Variants in NXPE4 observed in about 807,000 individuals in gnomAD.
NXPE4 encodes the protein neurexophilin and PC-esterase domain family member 4, also known as NXPE family member 4.
Under a neutral mutation model 33.3 loss-of-function variants are expected in NXPE4, and 42 were observed. The observed-to-expected ratio is 1.26, with a 90% CI of 0.98 to 1.63. The LOEUF is 1.63. Among genes scored for constraint, NXPE4 ranks in the 40% most tolerant of loss-of-function variants. The pLI, the probability that NXPE4 is intolerant of heterozygous loss-of-function variation, is 0.00. For synonymous variants in NXPE4, 253 were observed against 234.9 expected (o/e 1.08, Z -0.71); for missense variants, 709 against 647.6 (o/e 1.09, Z -1.03).
chr11:114,664,910 T>C, the NXPE4 span, among the ~76,000 whole-genome samples: 15,372 of 152,154 alleles, frequency 0.1, 993 homozygotes, highest in African/African-American at 0.18. Flanking sequence ...TTGGCTAATG[T>C]AAGTGTTCAG....
intron 5 of NXPE4, among the ~76,000 whole-genome samples, chr11:114,572,539 A>C (rs1948914214): frequency 6.6e-6 from 1 of 152,216 alleles, no homozygotes; most frequent in South Asian, 2.1e-4. Context: ...AATTTCTGGA[A>C]ATCAAGGATA....
the NXPE4 span, among the ~76,000 whole-genome samples, chr11:114,636,650 C>G: frequency 6.6e-6 from 1 of 151,996 alleles, no homozygotes; most frequent in Admixed American, 6.6e-5. Flanking sequence ...CCCAGAGATT[C>G]TGGTACGTTG....
chr11:114,573,187 C>A (rs1032204207), intron 5 of NXPE4, among the ~76,000 whole-genome samples: 4 of 152,088 alleles, frequency 2.6e-5, no homozygotes, highest in Non-Finnish European at 1.5e-5. Flanking sequence ...GCAAGCACTA[C>A]AATAACTACT....
chr11:114,602,928 A>G, the NXPE4 span, among the ~76,000 whole-genome samples: 1 of 149,420 alleles, frequency 6.7e-6, no homozygotes, highest in African/African-American at 2.4e-5. Context: ...ATAATCTAAT[A>G]TATAATTACA....
the NXPE4 span, among the ~76,000 whole-genome samples, chr11:114,639,815 T>C: frequency 8.4e-6 from 1 of 118,930 alleles, no homozygotes; most frequent in Non-Finnish European, 1.6e-5. Flanking sequence ...TAAAATAATA[T>C]AAAATATAAT....
At chr11:114,677,264 A>G in the NXPE4 span, among the ~76,000 whole-genome samples, 44 of 152,186 alleles carry the variant, frequency 2.9e-4, no homozygotes, top group South Asian at 4.1e-3. Context: ...AAGAGACTAG[A>G]TCTTAAGCGT....
the NXPE4 span, among the ~76,000 whole-genome samples, chr11:114,644,654 T>C: frequency 3.7e-4 from 56 of 152,288 alleles, no homozygotes; most frequent in African/African-American, 1.2e-3. Context: ...TATTATGTCA[T>C]GTTTATGAAC....
chr11:114,599,032 C>A (rs2135317075), upstream of NXPE4, among the ~76,000 whole-genome samples: 1 of 152,264 alleles, frequency 6.6e-6, no homozygotes, highest in Non-Finnish European at 1.5e-5. Context: ...TTATACTTTG[C>A]TTCCTTTTTA....
the NXPE4 span, among the ~76,000 whole-genome samples, chr11:114,635,408 A>C: frequency 6.6e-6 from 1 of 151,268 alleles, no homozygotes; most frequent in Non-Finnish European, 1.5e-5. Context: ...TGTCGTCTGC[A>C]AACAGGGACA....
At chr11:114,665,722 A>G in the NXPE4 span, among the ~76,000 whole-genome samples, 1 of 152,158 alleles carries the variant, frequency 6.6e-6, no homozygotes, top group African/African-American at 2.4e-5. Flanking sequence ...GCAAACATCC[A>G]CAGATGAAGT....
the NXPE4 span, among the ~76,000 whole-genome samples, chr11:114,607,647 A>G: frequency 6.6e-6 from 1 of 150,830 alleles, no homozygotes; most frequent in East Asian, 2.0e-4. Context: ...CTCGCGGTTA[A>G]CCACTCTTAC....
the NXPE4 span, among the ~76,000 whole-genome samples, chr11:114,649,535 G>A: frequency 5.9e-5 from 9 of 152,220 alleles, no homozygotes; most frequent in Non-Finnish European, 1.0e-4. Context: ...AAAAGGCAAA[G>A]CTATAGAGAC....
intron 2 of NXPE4, chr11:114,583,933 G>C (rs952051006): frequency 1.0e-5 from 4 of 390,724 alleles, no homozygotes; most frequent in African/African-American, 8.3e-5. Flanking sequence ...TTAACTATCT[G>C]CTCCTAGATG....
intron 2 of NXPE4, among the ~76,000 whole-genome samples, chr11:114,586,143 A>G (rs1949291669): frequency 6.6e-6 from 1 of 152,182 alleles, no homozygotes; most frequent in South Asian, 2.1e-4. Context: ...AAGCTCATCT[A>G]TAAAATCTCC....
the NXPE4 span, among the ~76,000 whole-genome samples, chr11:114,639,317 G>A: frequency 1.3e-5 from 2 of 152,022 alleles, no homozygotes; most frequent in South Asian, 2.1e-4. Context: ...TAAGCCCGTC[G>A]GAAAAGTGCA....
rs368899366 is a variant in NXPE4 at position 114,581,664 on chromosome 11, G to C, written c.892+61C>G. On this transcript the variant is annotated intron_variant, in intron 4 of 5. Coordinates refer to ENST00000375478, the MANE Select transcript of NXPE4 (RefSeq NM_001077639.2). ...AAACAGTGAACAAATCCAGTAGAAA[G>C]AAGAAACCCTTTAAATGGGTCTAGA... The C allele has an allele frequency of 9.1e-4, 1,224 of 1,340,412 alleles. 1 individual carries two copies. The highest frequency in any genetic ancestry group is 2.2e-3 in the Middle Eastern group (12 of 5,526). 83.0% of individuals were successfully genotyped at this position (1,340,412 alleles called of 1,614,324 possible). A position where few individuals can be genotyped will look rare whatever the true frequency, so the allele number is the denominator to read the frequency against.
At chr11:114,605,683 C>T in the NXPE4 span, among the ~76,000 whole-genome samples, 1 of 151,692 alleles carries the variant, frequency 6.6e-6, no homozygotes, top group Non-Finnish European at 1.5e-5. Flanking sequence ...CATGTGTAAC[C>T]ATTGTTACCC....
At chr11:114,617,522 G>A in the NXPE4 span, among the ~76,000 whole-genome samples, 18 of 151,492 alleles carry the variant, frequency 1.2e-4, no homozygotes, top group Non-Finnish European at 2.1e-4. Flanking sequence ...GATAATACGT[G>A]TTGCCTCGTG....
the NXPE4 span, among the ~76,000 whole-genome samples, chr11:114,614,918 G>A: frequency 2.0e-5 from 3 of 151,720 alleles, no homozygotes; most frequent in Non-Finnish European, 2.9e-5. Flanking sequence ...GTTACCCAGT[G>A]GATAATGAGT....
Sources: allele counts gnomAD v4.1 joint callset (sites outside exome capture counted in the v4.1 genomes callset), GRCh38; gene constraint gnomAD v4.1.1; transcripts MANE v1.5; gene names NCBI Gene and HGNC (gene_info 2026-07-23, HGNC 2026-07-21).